BCL2: variants seen among roughly 807,000 people sequenced by gnomAD.
The protein encoded by BCL2 is apoptosis regulator Bcl-2.
Under a neutral mutation model 14.2 loss-of-function variants are expected in BCL2, and 1 was observed. The observed-to-expected ratio is 0.07, with a 90% CI of 0.02 to 0.33. The LOEUF (loss-of-function observed/expected upper bound fraction) is 0.33. BCL2 is among the 10% of genes least tolerant of loss of function. The pLI, the probability that BCL2 is intolerant of heterozygous loss-of-function variation, is 0.99. For missense variants in BCL2, 247 were observed against 305.9 expected, an observed-to-expected ratio of 0.81 and a Z score of 1.44; for synonymous variants, 151 against 137.2, an observed-to-expected ratio of 1.10 and a Z score of -0.70.
chr18:63,255,719 C>T (rs1911454069), intron 2 of BCL2, among the ~76,000 whole-genome samples: 1 of 151,930 alleles, frequency 6.6e-6, no homozygotes, highest in Non-Finnish European at 1.5e-5. Context: ...ATCTAAATGC[C>T]TCTCAGGGAT....
At chr18:63,170,809 C>T (rs1915204246) in intron 2 of BCL2, among the ~76,000 whole-genome samples, 1 of 152,200 alleles carries the variant, frequency 6.6e-6, no homozygotes, top group South Asian at 2.1e-4. Flanking sequence ...TGAAATTAAT[C>T]AGGCTTGTCA....
intron 2 of BCL2, among the ~76,000 whole-genome samples, chr18:63,156,543 C>T (rs1914787430): frequency 6.6e-6 from 1 of 152,148 alleles, no homozygotes; most frequent in African/African-American, 2.4e-5. Flanking sequence ...TAGGTGCTAC[C>T]CAAATGCCCA....
chr18:63,191,071 A>C (rs971096386), intron 2 of BCL2, among the ~76,000 whole-genome samples: 1 of 152,198 alleles, frequency 6.6e-6, no homozygotes, highest in Non-Finnish European at 1.5e-5. Context: ...CATGATGTAC[A>C]TGTACCACAT....
intron 2 of BCL2, among the ~76,000 whole-genome samples, chr18:63,211,408 G>C (rs1909999329): frequency 6.6e-6 from 1 of 152,090 alleles, no homozygotes; most frequent in Admixed American, 6.5e-5. Context: ...ACTTGAGAGA[G>C]GCTGGCCTTG....
At chr18:63,150,948 C>T (rs539588266) in intron 2 of BCL2, among the ~76,000 whole-genome samples, 203 of 152,144 alleles carry the variant, frequency 1.3e-3, no homozygotes, top group African/African-American at 4.5e-3. Context: ...TACTAAGCTG[C>T]GCCTCCACCA....
At chr18:63,195,044 G>A (rs556364739) in intron 2 of BCL2, among the ~76,000 whole-genome samples, 2 of 152,332 alleles carry the variant, frequency 1.3e-5, no homozygotes, top group South Asian at 4.1e-4. Flanking sequence ...CTAGAATTAT[G>A]TAGTCACATG....
At chr18:63,202,800 G>A (rs1275292875) in intron 2 of BCL2, among the ~76,000 whole-genome samples, 1 of 152,202 alleles carries the variant, frequency 6.6e-6, no homozygotes, top group Non-Finnish European at 1.5e-5. Context: ...CACTCTGTGT[G>A]TCTTGTGCAG....
chr18:63,223,857 T>C (rs757461838), intron 2 of BCL2, among the ~76,000 whole-genome samples: 1 of 152,158 alleles, frequency 6.6e-6, no homozygotes, highest in Non-Finnish European at 1.5e-5. Context: ...TATTCATTCT[T>C]AAATATGGTC....
chr18:63,193,887 C>T (rs549237926), intron 2 of BCL2, among the ~76,000 whole-genome samples: 57 of 152,044 alleles, frequency 3.7e-4, no homozygotes, highest in African/African-American at 1.4e-3. Flanking sequence ...ATATTATATT[C>T]CTAAATCTTG....
At chr18:63,281,554 C>T (rs1912308392) in intron 2 of BCL2, among the ~76,000 whole-genome samples, 1 of 151,770 alleles carries the variant, frequency 6.6e-6, no homozygotes, top group South Asian at 2.1e-4. Context: ...GTAGTCTCAG[C>T]TACTTGCAGG....
intron 2 of BCL2, among the ~76,000 whole-genome samples, chr18:63,202,109 G>C (rs957891108): frequency 1.3e-5 from 2 of 152,118 alleles, no homozygotes; most frequent in African/African-American, 4.8e-5. Flanking sequence ...AGGAGTTTCT[G>C]ACCAGCCTGG....
chr18:63,253,001 C>T (rs969738270), intron 2 of BCL2, among the ~76,000 whole-genome samples: 7 of 152,216 alleles, frequency 4.6e-5, no homozygotes, highest in Non-Finnish European at 7.3e-5. Context: ...GCACAGACAA[C>T]AGACACCAAC....
At chr18:63,219,041 T>A (rs1378285909) in intron 2 of BCL2, among the ~76,000 whole-genome samples, 1 of 152,234 alleles carries the variant, frequency 6.6e-6, no homozygotes, top group Non-Finnish European at 1.5e-5. Context: ...CAACACTTTA[T>A]GTGACTCCAT....
intron 2 of BCL2, among the ~76,000 whole-genome samples, chr18:63,192,130 A>G (rs997577075): frequency 1.3e-5 from 2 of 152,226 alleles, no homozygotes; most frequent in Non-Finnish European, 2.9e-5. Context: ...AGAAATATTC[A>G]GAGAATTAAA....
chr18:63,201,726 A>T (rs1382326356), intron 2 of BCL2, among the ~76,000 whole-genome samples: 1 of 152,144 alleles, frequency 6.6e-6, no homozygotes, highest in African/African-American at 2.4e-5. Context: ...CTATCACAAG[A>T]ACAGAAAACC....
intron 2 of BCL2, among the ~76,000 whole-genome samples, chr18:63,132,411 C>G (rs576107441): frequency 6.6e-6 from 1 of 152,150 alleles, no homozygotes; most frequent in East Asian, 1.9e-4. Context: ...CTGAGCCTGC[C>G]GTTTTGCAGA....
chr18:63,169,253 TTTC>T (rs1471833138), intron 2 of BCL2, among the ~76,000 whole-genome samples: 2 of 38,610 alleles, frequency 5.2e-5, no homozygotes, highest in East Asian at 2.0e-3. Flanking sequence ...CGTGTTTTTC[TTTC>T]TTTCTTTCTT....
At chr18:63,136,702 T>C (rs932289396) in intron 2 of BCL2, among the ~76,000 whole-genome samples, 3 of 152,218 alleles carry the variant, frequency 2.0e-5, no homozygotes, top group Non-Finnish European at 2.9e-5. Context: ...CATCTCTTGT[T>C]AACCCACTGA....
At chr18:63,141,688 A>G (rs754676276) in intron 2 of BCL2, among the ~76,000 whole-genome samples, 28 of 152,170 alleles carry the variant, frequency 1.8e-4, no homozygotes, top group Admixed American at 5.2e-4. Flanking sequence ...TTTGGAATAG[A>G]TCCACCAACT....
Sources: allele counts gnomAD v4.1 joint callset (sites outside exome capture counted in the v4.1 genomes callset), GRCh38; gene constraint gnomAD v4.1.1; transcripts MANE v1.5; gene names NCBI Gene and HGNC (gene_info 2026-07-23, HGNC 2026-07-21).